HLA-F: variants seen among roughly 807,000 people sequenced by gnomAD.
HLA-F encodes the protein major histocompatibility complex, class I, F, also known as HLA class I histocompatibility antigen, alpha chain F.
A neutral mutation model predicts 49.5 loss-of-function variants in HLA-F; 46 were observed. The observed-to-expected ratio is 0.93, with a 90% CI of 0.73 to 1.19. HLA-F has a LOEUF of 1.19. HLA-F is among the 50% of genes most tolerant of loss of function. The pLI is 0.00. For missense variants in HLA-F, 496 were observed against 579.6 expected (o/e 0.86, Z 1.48); for synonymous variants, 203 against 233.5 (o/e 0.87, Z 1.19).
intron 3 of HLA-F, among the ~76,000 whole-genome samples, chr6:29,732,417 T>C (rs1258388934): frequency 6.6e-6 from 1 of 152,184 alleles, no homozygotes; most frequent in Non-Finnish European, 1.5e-5. Flanking sequence ...TGAGATGGGA[T>C]GCAGCTTGTA....
downstream of HLA-F, chr6:29,728,487 C>T (rs141026710): frequency 7.6e-4 from 131 of 172,096 alleles, no homozygotes; most frequent in Middle Eastern, 2.8e-3. Context: ...GCCAACAGGC[C>T]GCAATCCTCT....
At chr6:29,728,223 C>T, downstream of HLA-F, 1 of 388,756 alleles carries the variant, frequency 2.6e-6, no homozygotes, top group Non-Finnish European at 5.2e-6. Flanking sequence ...AGGACTTTCT[C>T]TCCCTTGAGT....
chr6:29,727,575 A>G (rs779451779), downstream of HLA-F, among the ~76,000 whole-genome samples: 4 of 152,120 alleles, frequency 2.6e-5, no homozygotes, highest in Non-Finnish European at 4.4e-5. Flanking sequence ...TATGCCTCCT[A>G]AGGACCTATG....
At chr6:29,730,653 A>C (rs1376189495), downstream of HLA-F, among the ~76,000 whole-genome samples, 4 of 152,058 alleles carry the variant, frequency 2.6e-5, no homozygotes, top group African/African-American at 9.7e-5. Flanking sequence ...CAAGAACTGT[A>C]AACCAGAAGG....
chr6:29,724,439 C>T lies in HLA-F; in HGVS notation c.601C>T (p.Gln201Ter), dbSNP rs757381806. 6.2e-7 allele frequency: 1 copy of T among 1,613,116 alleles called. No homozygotes were observed. The highest frequency in any genetic ancestry group is 8.5e-7 in the Non-Finnish European group (1 of 1,179,938). The change falls in exon 3 of 7, where the codon CAG (glutamine) becomes TAG (stop). Residue 201 changes from glutamine to a stop codon, truncating the protein, a stop_gained. Coordinates refer to ENST00000259951, the MANE Select transcript of HLA-F (RefSeq NM_001098479.2). LOFTEE classifies it high-confidence loss of function. ...CTTGGAGAATGGGAAGGAGACGCTACAGCGCGCAGGTACCAGGGGCCATGG... is the reference window on the plus strand; with the variant it reads ...CTTGGAGAATGGGAAGGAGACGCTATAGCGCGCAGGTACCAGGGGCCATGG... ...RYLENGKETL[Q>*]RADPPKAHVA...
chr6:29,733,402 G>C (rs1776798481), intron 3 of HLA-F, among the ~76,000 whole-genome samples: 1 of 152,010 alleles, frequency 6.6e-6, no homozygotes, highest in Non-Finnish European at 1.5e-5. Context: ...GTATTTTAAA[G>C]TCTTCTGTGA....
In HLA-F at chr6:29,727,030, T is replaced by A; in HGVS notation, c.1184T>A (p.Phe395Tyr). 1 of 1,613,518 alleles carries A rather than the reference T, an allele frequency of 6.2e-7. No homozygotes were observed. Residue 395 changes from phenylalanine to tyrosine, a missense_variant, in exon 7 of 7, where the codon TTT becomes TAT. By Grantham distance (22) the Phe-to-Tyr change is conservative (BLOSUM62 3). Transcript: ENST00000259951. ...RKVGDMWILF[F>Y]LWLWTSFNTA... is the part of the protein sequence containing the mutation. ...GTGGGTGACATGTGGATCTTGTTTT[T>A]TTTGTGGCTGTGGACATCTTTCAAC... is the stretch of plus-strand genomic sequence containing the variant.
Position 29,723,500 on chromosome 6 carries a change from G to A in HLA-F, c.37G>A (p.Ala13Thr). The part of the protein sequence containing the change: ...PRSLLLLLSG[A>T]LALTDTWAGS... The stretch of plus-strand genomic sequence containing the variant: ...AAGCCTCCTCCTGCTGCTCTCAGGG[G>A]CCCTGGCCCTGACCGATACTTGGGC... Residue 13 changes from alanine to threonine, a missense_variant, in exon 1 of 7, where the codon GCC becomes ACC. Ala to Thr is a moderately conservative substitution (Grantham distance 58, BLOSUM62 0). Coordinates refer to ENST00000259951, the MANE Select transcript of HLA-F (RefSeq NM_001098479.2). 6.2e-7 allele frequency: 1 copy of A among 1,613,430 alleles called. No individual in the cohort carries two copies. The highest frequency in any genetic ancestry group is 1.3e-5 in the African/African-American group (1 of 75,038).
downstream of HLA-F, among the ~76,000 whole-genome samples, chr6:29,731,409 G>A (rs1370765970): frequency 6.6e-6 from 1 of 152,160 alleles, no homozygotes; most frequent in Non-Finnish European, 1.5e-5. Context: ...CCAAAGGCCT[G>A]AGGGGCCAGA....
chr6:29,737,165 T>C (rs1270488636), intron 3 of HLA-F, among the ~76,000 whole-genome samples: 5 of 145,124 alleles, frequency 3.4e-5, no homozygotes, highest in Non-Finnish European at 4.5e-5. Flanking sequence ...ATAACTAGTA[T>C]TGAATTCTTC....
At chr6:29,726,586 GAGAA>G in intron 6 of HLA-F, 2 of 1,445,574 alleles carry the variant, frequency 1.4e-6, no homozygotes, top group South Asian at 2.6e-5. Flanking sequence ...TGTGTGTGAA[GAGAA>G]AGAGTGAATA....
intron 3 of HLA-F, among the ~76,000 whole-genome samples, chr6:29,733,787 G>A (rs2735052): frequency 0.39 from 59,992 of 152,108 alleles, 12,017 homozygotes; most frequent in Non-Finnish European, 0.44. Flanking sequence ...TGGTTACAGC[G>A]TTTAGCTGAG....
At chr6:29,732,364 A>C (rs1311389876) in intron 3 of HLA-F, among the ~76,000 whole-genome samples, 1 of 152,214 alleles carries the variant, frequency 6.6e-6, no homozygotes, top group African/African-American at 2.4e-5. Flanking sequence ...ATAAGATGAA[A>C]GCAGATGGAT....
Position 29,723,658 on chromosome 6 carries a change from G to T in HLA-F, c.65G>T (p.Gly22Val). Residue 22 changes from glycine (G) to valine (V), a missense_variant and splice_region_variant, in exon 2 of 7, where the codon GGC becomes GTC. Gly to Val is a moderately radical substitution (Grantham distance 109). Coordinates refer to ENST00000259951, the MANE Select transcript of HLA-F (RefSeq NM_001098479.2). ...GALALTDTWA[G>V]SHSLRYFSTA... is the part of the protein sequence containing the mutation. ...GGTCTCAGCCCCTCCTCGCCCCCAG[G>T]CTCCCACTCCTTGAGGTATTTCAGC... 6.2e-7 allele frequency: 1 copy of T among 1,607,658 alleles called. No individual in the cohort carries two copies. Among genetic ancestry groups the T allele is most frequent in the South Asian group, 1.1e-5 (1 of 90,718 alleles).
rs994869363 is a variant in HLA-F at position 29,734,276 on chromosome 6, C to T, written c.404-3846C>T. On this transcript the variant is annotated intron_variant, in intron 3 of 4. Coordinates refer to the HLA-F transcript ENST00000465459. ...AGTTCCTCTGCTGTGAACTCCACCC[C>T]GGGCATACAAAAATTATATACTCAC... Among the ~76,000 whole-genome samples the T allele has an allele frequency of 3.3e-5, 5 of 152,140 alleles. No homozygotes were observed. In the East Asian group the frequency reaches 9.6e-4, roughly 29 times the overall value.
intron 6 of HLA-F, 86 bp downstream of exon 6, chr6:29,726,129 C>A: frequency 7.8e-7 from 1 of 1,287,188 alleles, no homozygotes. Flanking sequence ...CACAGTTCCT[C>A]TAGCCACATC....
chr6:29,726,036 G>T lies in HLA-F; in HGVS notation c.1029G>T (p.Gln343His). The T allele has an allele frequency of 6.2e-7, 1 of 1,614,012 alleles. No individual in the cohort carries two copies. Among genetic ancestry groups the T allele is most frequent in the Non-Finnish European group, 8.5e-7 (1 of 1,179,862 alleles). Residue 343 changes from glutamine to histidine, a missense_variant, in exon 6 of 7, where the codon CAG becomes CAT. By Grantham distance (24) the Gln-to-His change is conservative. Coordinates refer to ENST00000259951, the MANE Select transcript of HLA-F (RefSeq NM_001098479.2). ...ATAGAAACAGAGGGAGCTACTCTCAGGCTGCAGGTAAGATGAAGGAGGCTG... is the reference window on the plus strand; with the variant it reads ...ATAGAAACAGAGGGAGCTACTCTCATGCTGCAGGTAAGATGAAGGAGGCTG... The part of the protein sequence containing the change: ...SSDRNRGSYS[Q>H]AAAYSVVSGN...
intron 5 of HLA-F, 109 bp downstream of exon 5, chr6:29,725,672 A>G: frequency 1.1e-6 from 1 of 941,664 alleles, no homozygotes; most frequent in Non-Finnish European, 1.7e-6. Context: ...ATCCACACTC[A>G]TGGGTCTACC....
In HLA-F at chr6:29,727,134, C is replaced by T; in HGVS notation, c.1288C>T (p.His430Tyr). ...CAGGAGCTTCCTTCTTCGTTCTTGG[C>T]ACCATCTTATGAAAAGGGTCCAGAT... ...RGRSFLLRSWHHLMKRVQIKI... is the reference protein window; with the variant it reads ...RGRSFLLRSWYHLMKRVQIKI... Residue 430 changes from histidine to tyrosine, a missense_variant, in exon 7 of 7, where the codon CAC becomes TAC. Coordinates refer to ENST00000259951, the MANE Select transcript of HLA-F (RefSeq NM_001098479.2). The T allele has an allele frequency of 6.2e-7, 1 of 1,605,312 alleles. No homozygotes were observed. The highest frequency in any genetic ancestry group is 8.5e-7 in the Non-Finnish European group (1 of 1,178,026).
Sources: gnomAD v4.1 joint callset for allele counts (sites outside exome capture counted in the v4.1 genomes callset) on GRCh38, gnomAD v4.1.1 for gene constraint, MANE v1.5 for transcripts, NCBI Gene and HGNC (gene_info 2026-07-23, HGNC 2026-07-21) for gene names.